Variants in CDH4 observed in about 807,000 individuals in gnomAD.
CDH4 encodes the protein cadherin 4.
In CDH4, 33 loss-of-function variants were observed where a neutral mutation model predicts 86.0. That is an observed-to-expected ratio of 0.38 (90% CI 0.29 to 0.51). The LOEUF (loss-of-function observed/expected upper bound fraction) is 0.51. Among genes scored for constraint, CDH4 ranks in the 20% least tolerant of loss-of-function variants. CDH4 has a pLI of 0.86. For missense variants in CDH4, 1,114 were observed against 1,307.4 expected, an observed-to-expected ratio of 0.85 and a Z score of 2.28; for synonymous variants, 555 against 549.4, an observed-to-expected ratio of 1.01 and a Z score of -0.14.
intron 2 of CDH4, among the ~76,000 whole-genome samples, chr20:61,526,583 G>A (rs560195907): frequency 6.6e-6 from 1 of 150,426 alleles, no homozygotes; most frequent in East Asian, 2.0e-4. Flanking sequence ...GTGCCATGCT[G>A]GTGTGCTGCA....
chr20:61,379,610 C>T (rs925808282), intron 2 of CDH4, among the ~76,000 whole-genome samples: 6 of 152,230 alleles, frequency 3.9e-5, no homozygotes, highest in African/African-American at 1.4e-4. Context: ...TCCAGTATAA[C>T]CATCACACTT....
intron 2 of CDH4, among the ~76,000 whole-genome samples, chr20:61,565,335 TGGTAGTGGTCCTCTTGGTGATGG>T (rs1276653589): frequency 4.5e-5 from 3 of 66,296 alleles, no homozygotes; most frequent in Admixed American, 1.6e-4. Context: ...TTGGTGATGG[TGGTAGTGGTCCTCTTGGTGATGG>T]GGTGATGGTG....
chr20:61,318,706 A>G (rs2084491521), intron 2 of CDH4, among the ~76,000 whole-genome samples: 1 of 152,266 alleles, frequency 6.6e-6, no homozygotes, highest in South Asian at 2.1e-4. Context: ...AGTGAGGTCA[A>G]GAAGCGTGTT....
intron 2 of CDH4, among the ~76,000 whole-genome samples, chr20:61,581,981 G>A (rs1421389481): frequency 1.3e-5 from 2 of 152,210 alleles, no homozygotes; most frequent in African/African-American, 4.8e-5. Flanking sequence ...CGGCATGGCT[G>A]AGCTTTGCCC....
At chr20:61,315,567 A>G (rs1403331624) in intron 2 of CDH4, among the ~76,000 whole-genome samples, 1 of 152,242 alleles carries the variant, frequency 6.6e-6, no homozygotes, top group Non-Finnish European at 1.5e-5. Flanking sequence ...TCGCAGAACC[A>G]GGCAGGAGGA....
chr20:61,923,628 G>A lies in CDH4; in HGVS notation c.1552G>A (p.Glu518Lys). Residue 518 changes from glutamate (E) to lysine (K), a missense_variant, in exon 10 of 16, where the codon GAG becomes AAG. Glu to Lys is a moderately conservative substitution (Grantham distance 56). This residue lies in a region of CDH4 where 705 missense variants were observed against 914.1 expected (regional missense o/e 0.77). Transcript: ENST00000614565. ...PSNHKLIRLE[E>K]GVPPGTVLTT... The stretch of plus-strand genomic sequence containing the variant: ...AAACCACAAGCTGATCCGCCTGGAG[G>A]AGGGCGTGCCCCCCGGCACCGTGCT... 1 of 1,614,148 alleles carries A rather than the reference G, an allele frequency of 6.2e-7. No homozygotes were observed. The highest frequency in any genetic ancestry group is 8.5e-7 in the Non-Finnish European group (1 of 1,180,042).
chr20:61,395,241 A>G (rs1426641305), intron 2 of CDH4, among the ~76,000 whole-genome samples: 5 of 152,128 alleles, frequency 3.3e-5, no homozygotes, highest in African/African-American at 9.7e-5. Flanking sequence ...ACTCCAAAAT[A>G]TAGACATTTG....
At position 61,252,839 on chromosome 20, in the gene CDH4, C is replaced by T. The variant is rs1317367784; in HGVS notation, c.57+269C>T. Among the ~76,000 whole-genome samples the T allele has an allele frequency of 2.0e-5, 3 of 151,888 alleles. No individual in the cohort carries two copies. In the East Asian group the frequency reaches 5.9e-4, roughly 30 times the overall value. On this transcript the variant is annotated intron_variant, in intron 1 of 15. Coordinates refer to ENST00000614565, the MANE Select transcript of CDH4 (RefSeq NM_001794.5). The surrounding 1 kb of genome is among the most constrained non-coding windows in gnomAD (Gnocchi z 4.4). ...GGAGCTCCGCCTGCACCGGACCCGC[C>T]GAGCCTCCCTCGAACGCCCAAAGCC... is the stretch of plus-strand genomic sequence containing the variant.
At chr20:61,833,036 G>A (rs1040821778) in intron 4 of CDH4, among the ~76,000 whole-genome samples, 1 of 152,140 alleles carries the variant, frequency 6.6e-6, no homozygotes, top group African/African-American at 2.4e-5. Flanking sequence ...GGTGGGCTGA[G>A]CAAGTGCTGA....
chr20:61,438,925 A>C (rs928534373), intron 2 of CDH4, among the ~76,000 whole-genome samples: 2 of 151,936 alleles, frequency 1.3e-5, no homozygotes, highest in Admixed American at 1.3e-4. Context: ...AAAAAAAAAA[A>C]ACCAAAAACC....
chr20:61,800,947 G>A (rs1215427894), intron 4 of CDH4, among the ~76,000 whole-genome samples: 1 of 152,224 alleles, frequency 6.6e-6, no homozygotes, highest in African/African-American at 2.4e-5. Context: ...GTAGGCCTGG[G>A]CATGGCTGCA....
chr20:61,874,014 T>A (rs1174377369), intron 7 of CDH4, 114 bp downstream of exon 7: 6 of 1,095,004 alleles, frequency 5.5e-6, no homozygotes, highest in Non-Finnish European at 8.0e-6. Context: ...ATCGACAGTC[T>A]CCCCAGTGGC....
In CDH4 at chr20:61,770,549, G is replaced by A. The variant is rs530415183; in HGVS notation, c.397-2454G>A. ...CATATACGCGTGACGTTCTGTTGGCGCTGTCAGCCGCAGGAGTCATGTGCA... is the reference window on the plus strand; with the variant it reads ...CATATACGCGTGACGTTCTGTTGGCACTGTCAGCCGCAGGAGTCATGTGCA... On this transcript the variant is annotated intron_variant, in intron 3 of 15. Transcript: ENST00000614565. 2.0e-4 allele frequency among the ~76,000 whole-genome samples: 31 copies of A among 152,378 alleles called. No individual in the cohort carries two copies. The South Asian group carries it at 5.6e-3, about 27-fold the overall frequency.
chr20:61,845,312 C>A (rs6061860), intron 5 of CDH4, among the ~76,000 whole-genome samples: 1 of 152,238 alleles, frequency 6.6e-6, no homozygotes. Flanking sequence ...ACGTCTCTCG[C>A]GGCAGAAAGA....
chr20:61,759,148 T>C (rs530673026), intron 3 of CDH4, among the ~76,000 whole-genome samples: 1 of 151,796 alleles, frequency 6.6e-6, no homozygotes, highest in Admixed American at 6.6e-5. Flanking sequence ...CCAAGCAGAG[T>C]TGTGAGGGGC....
chr20:61,880,753 G>T lies in CDH4; in HGVS notation c.1050+6853G>T, dbSNP rs1984240282. Among the ~76,000 whole-genome samples, 3 of 152,236 alleles carry T rather than the reference G, an allele frequency of 2.0e-5. No homozygotes were observed. In the South Asian group the frequency reaches 6.2e-4, roughly 31 times the overall value. On this transcript the variant is annotated intron_variant, in intron 7 of 15. Transcript: ENST00000614565. ...GGGCGCGGTCCCCACACAGGATGAG[G>T]TTCCCAGGCACGCTGGGCAGTGCGT... is the stretch of plus-strand genomic sequence containing the variant.
At chr20:61,453,976 C>T (rs1175652757) in intron 2 of CDH4, among the ~76,000 whole-genome samples, 1 of 152,188 alleles carries the variant, frequency 6.6e-6, no homozygotes, top group South Asian at 2.1e-4. Flanking sequence ...GGTTTGCTTC[C>T]CCTTCTGCCA....
chr20:61,587,503 A>G (rs1227739176), intron 2 of CDH4, among the ~76,000 whole-genome samples: 1 of 152,136 alleles, frequency 6.6e-6, no homozygotes, highest in African/African-American at 2.4e-5. Flanking sequence ...GTCCTGGGTC[A>G]TCCCGTCGGA....
intron 2 of CDH4, among the ~76,000 whole-genome samples, chr20:61,503,394 A>G (rs1023036278): frequency 6.6e-6 from 1 of 152,254 alleles, no homozygotes; most frequent in East Asian, 1.9e-4. Flanking sequence ...AAGGGGTCGT[A>G]AAAGTAAAGA....
Sources: allele counts gnomAD v4.1 joint callset (sites outside exome capture counted in the v4.1 genomes callset), GRCh38; gene constraint gnomAD v4.1.1; regional missense constraint gnomAD v4.1.1; non-coding constraint Gnocchi (gnomAD v3.1); transcripts MANE v1.5; gene names NCBI Gene and HGNC (gene_info 2026-07-23, HGNC 2026-07-21).